Variants in IFT88 observed in about 807,000 individuals in gnomAD.
IFT88 encodes the protein intraflagellar transport protein 88 homolog.
In IFT88, 74 loss-of-function variants were observed where a neutral mutation model predicts 119.5. The observed-to-expected ratio is 0.62, with a 90% CI of 0.51 to 0.75. The LOEUF (loss-of-function observed/expected upper bound fraction) is 0.75. Ranked by LOEUF, IFT88 falls within the 30% of genes least tolerant of loss-of-function variation. The pLI, the probability that IFT88 is intolerant of heterozygous loss-of-function variation, is 0.00. For synonymous variants in IFT88, 279 were observed against 316.7 expected, an observed-to-expected ratio of 0.88 and a Z score of 1.26; for missense variants, 961 against 977.7, an observed-to-expected ratio of 0.98 and a Z score of 0.23.
chr13:20,648,935 A>G (rs1291444480), intron 20 of IFT88, among the ~76,000 whole-genome samples: 1 of 152,194 alleles, frequency 6.6e-6, no homozygotes, highest in Non-Finnish European at 1.5e-5. Context: ...GAGCCAAAGA[A>G]TGATGCTATA....
rs139446299 is a variant in IFT88, at chr13:20,650,982, A to G, written c.1950-2894A>G. 2.5e-3 allele frequency among the ~76,000 whole-genome samples: 379 copies of G among 152,178 alleles called. 4 individuals are homozygous for G. Among genetic ancestry groups the G allele is most frequent in the African/African-American group, 8.1e-3 (336 of 41,528 alleles). The stretch of plus-strand genomic sequence containing the variant: ...CCTTTGTTGGAAATCAATTTACCAT[A>G]TATATGAGGATTTATTTCTGGATTC... On this transcript the variant is annotated intron_variant, in intron 20 of 25. Transcript: ENST00000351808.
intron 14 of IFT88, among the ~76,000 whole-genome samples, chr13:20,618,067 C>G (rs2045917215): frequency 6.6e-6 from 1 of 152,170 alleles, no homozygotes; most frequent in Admixed American, 6.5e-5. Flanking sequence ...CAGGCGAAAG[C>G]CACCGTGAAG....
chr13:20,676,949 A>G (rs543497593), intron 24 of IFT88, among the ~76,000 whole-genome samples: 1 of 152,170 alleles, frequency 6.6e-6, no homozygotes, highest in Non-Finnish European at 1.5e-5. Context: ...ACAAACACAC[A>G]TTTTATGAGT....
intron 1 of IFT88, among the ~76,000 whole-genome samples, chr13:20,571,007 T>A (rs909700373): frequency 4.6e-5 from 7 of 152,104 alleles, no homozygotes; most frequent in Admixed American, 2.6e-4. Context: ...ATTTATTTAT[T>A]TTTTGAGACA....
At chr13:20,603,633 C>T (rs966457490) in intron 12 of IFT88, among the ~76,000 whole-genome samples, 1 of 152,176 alleles carries the variant, frequency 6.6e-6, no homozygotes, top group Non-Finnish European at 1.5e-5. Flanking sequence ...CAGTGGCTCA[C>T]ACCTGTAATC....
chr13:20,645,085 TTTGTTTGTTTG>T (rs1462435938), intron 20 of IFT88, 127 bp downstream of exon 20: 1 of 517,252 alleles, frequency 1.9e-6, no homozygotes, highest in African/African-American at 1.9e-5. Flanking sequence ...ATAAATTATT[TTTGTTTGTTTG>T]TTGTTTGTTT....
At chr13:20,628,645 T>C (rs1404504976) in intron 15 of IFT88, among the ~76,000 whole-genome samples, 1 of 152,156 alleles carries the variant, frequency 6.6e-6, no homozygotes, top group African/African-American at 2.4e-5. Flanking sequence ...AGCGAAAAAA[T>C]ACCCGAGTGT....
intron 11 of IFT88, among the ~76,000 whole-genome samples, chr13:20,600,801 G>A (rs555607954): frequency 6.6e-6 from 1 of 152,112 alleles, no homozygotes; most frequent in South Asian, 2.1e-4. Context: ...TCGTCACAAA[G>A]GCTTTTACAC....
chr13:20,690,801 G>C lies in IFT88; in HGVS notation c.2339G>C (p.Ser780Thr). 1.2e-6 allele frequency: 2 copies of C among 1,612,044 alleles called. No homozygotes were observed. The highest frequency in any genetic ancestry group is 1.7e-6 in the Non-Finnish European group (2 of 1,178,188). ...ACAAATGAACCTTATGAAAGTAGCA[G>C]TAACAAAGAAATAGGCAAGTACTCT... ...PGTNEPYESS[S>T]NKEIDASYVD... The change falls in exon 25 of 26, where the codon AGT becomes ACT. Residue 780 changes from serine (S) to threonine (T), a missense_variant. Ser to Thr is a moderately conservative substitution (Grantham distance 58, BLOSUM62 1). Transcript: ENST00000351808.
chr13:20,572,624 C>A (rs1489221019), intron 1 of IFT88, among the ~76,000 whole-genome samples: 1 of 152,168 alleles, frequency 6.6e-6, no homozygotes, highest in African/African-American at 2.4e-5. Context: ...GTTTATAGTT[C>A]TTACTTTTGA....
rs776699349 is a variant in IFT88 at position 20,601,826 on chromosome 13, ACTAT to A, written c.937_940del (p.Ile313ValfsTer11). On this transcript the variant is annotated frameshift_variant, in exon 12 of 26. Transcript: ENST00000351808. LOFTEE classifies it high-confidence loss of function. Reference sequence around the variant, plus strand: ...AAATCTGAAGGCAGGCTACAACCTAACTATCTGTTATTTTGCTATTGGAGACCGA... The same window carrying A: ...AAATCTGAAGGCAGGCTACAACCTAACTGTTATTTTGCTATTGGAGACCGA... 2.5e-6 allele frequency: 4 copies of A among 1,613,376 alleles called. No individual in the cohort carries two copies. Among genetic ancestry groups the A allele is most frequent in the Non-Finnish European group, 3.4e-6 (4 of 1,179,314 alleles).
chr13:20,625,876 G>C, intron 15 of IFT88, 27 bp downstream of exon 15: 1 of 1,241,094 alleles, frequency 8.1e-7, no homozygotes, highest in Non-Finnish European at 1.1e-6. Flanking sequence ...ATTTTAGATG[G>C]AATTCCATAT....
chr13:20,644,440 G>T (rs574510244), intron 19 of IFT88, among the ~76,000 whole-genome samples: 1 of 152,214 alleles, frequency 6.6e-6, no homozygotes, highest in South Asian at 2.1e-4. Flanking sequence ...GGCAGAGGTT[G>T]TAGTGAGCCA....
chr13:20,685,254 G>A lies in IFT88; in HGVS notation c.2243-5451G>A, dbSNP rs183319327. ...AGAGCAGTTTTCCGCTCCCGGGGGTGGGGGGGCCAGGTTTTCCTTGCCCTG... is the reference window on the plus strand; with the variant it reads ...AGAGCAGTTTTCCGCTCCCGGGGGTAGGGGGGCCAGGTTTTCCTTGCCCTG... On this transcript the variant is annotated intron_variant, in intron 24 of 25. Transcript: ENST00000351808. 1.1e-3 allele frequency among the ~76,000 whole-genome samples: 165 copies of A among 152,190 alleles called. 2 individuals are homozygous for A. Among genetic ancestry groups the A allele is most frequent in the African/African-American group, 3.7e-3 (154 of 41,542 alleles).
chr13:20,673,258 A>G (rs540652101), intron 24 of IFT88, among the ~76,000 whole-genome samples: 82 of 152,260 alleles, frequency 5.4e-4, no homozygotes, highest in Middle Eastern at 6.8e-3. Context: ...AGTTTATAAA[A>G]TCTCTCCCCT....
At chr13:20,623,946 A>G (rs2046922587) in intron 14 of IFT88, among the ~76,000 whole-genome samples, 2 of 152,322 alleles carry the variant, frequency 1.3e-5, no homozygotes, top group South Asian at 4.1e-4. Flanking sequence ...TTTTTAGTGT[A>G]TAGATAAATG....
In IFT88 at chr13:20,615,810, A is replaced by G. The variant is rs1005036481; in HGVS notation, c.1130A>G (p.Lys377Arg). Residue 377 changes from lysine to arginine, a missense_variant, in exon 14 of 26, where the codon AAA becomes AGA. Coordinates refer to ENST00000351808, the MANE Select transcript of IFT88 (RefSeq NM_006531.5). ...MERERKAMAEKYIMTSAKLIA... is the reference protein window; with the variant it reads ...MERERKAMAERYIMTSAKLIA... ...TGATATAGGAAAGCCATGGCAGAAA[A>G]ATATATTATGACATCTGCAAAACTC... 1 of 1,600,504 alleles carries G rather than the reference A, an allele frequency of 6.2e-7. No individual in the cohort carries two copies. Among genetic ancestry groups the G allele is most frequent in the African/African-American group, 1.3e-5 (1 of 74,230 alleles).
chr13:20,638,855 C>T (rs912414891), intron 17 of IFT88, among the ~76,000 whole-genome samples: 2 of 152,156 alleles, frequency 1.3e-5, no homozygotes, highest in Non-Finnish European at 2.9e-5. Context: ...GGGAAAAAAT[C>T]CCATTTGCTT....
At chr13:20,608,130 T>C (rs1329778581) in intron 13 of IFT88, 1 of 451,962 alleles carries the variant, frequency 2.2e-6, no homozygotes, top group Non-Finnish European at 4.4e-6. Flanking sequence ...ACCCAAACTC[T>C]TAGTTTGAAC....
Sources: allele counts gnomAD v4.1 joint callset (sites outside exome capture counted in the v4.1 genomes callset), GRCh38; gene constraint gnomAD v4.1.1; transcripts MANE v1.5; gene names NCBI Gene and HGNC (gene_info 2026-07-23, HGNC 2026-07-21).